Variants in PRKN observed in about 807,000 individuals in gnomAD.
PRKN encodes the protein parkin RBR E3 ubiquitin protein ligase, also known as E3 ubiquitin-protein ligase parkin.
In PRKN, 56 loss-of-function variants were observed where a neutral mutation model predicts 59.5. The observed-to-expected ratio is 0.94, with a 90% CI of 0.76 to 1.18. The LOEUF is 1.18. Ranked by LOEUF, PRKN falls within the 50% of genes most tolerant of loss-of-function variation. PRKN has a pLI of 0.00. For synonymous variants in PRKN, 250 were observed against 222.1 expected (o/e 1.13, Z -1.12); for missense variants, 657 against 596.4 (o/e 1.10, Z -1.06).
At chr6:161,756,867 A>G (rs968306091) in intron 7 of PRKN, among the ~76,000 whole-genome samples, 5 of 152,230 alleles carry the variant, frequency 3.3e-5, no homozygotes, top group Non-Finnish European at 7.3e-5. Context: ...AAATCAAGAC[A>G]GTACGCTATT....
Position 162,013,537 on chromosome 6 carries a change from G to A in PRKN, c.619-40120C>T, listed in dbSNP as rs75058893. 7.7e-3 allele frequency among the ~76,000 whole-genome samples: 1,167 copies of A among 152,220 alleles called. 10 individuals carry two copies. The highest frequency in any genetic ancestry group is 0.024 in the Middle Eastern group (7 of 294). ...ATTGCTTCCAGATATTCTCAAAGACGAAGCTAGGAAATGTGTGTGTTATAC... is the reference window on the plus strand; with the variant it reads ...ATTGCTTCCAGATATTCTCAAAGACAAAGCTAGGAAATGTGTGTGTTATAC... On this transcript the variant is annotated intron_variant, in intron 5 of 11. Coordinates refer to ENST00000366898, the MANE Select transcript of PRKN (RefSeq NM_004562.3).
At chr6:162,455,904 TTAAG>T (rs1790848806) in intron 1 of PRKN, among the ~76,000 whole-genome samples, 2 of 151,980 alleles carry the variant, frequency 1.3e-5, no homozygotes, top group Non-Finnish European at 2.9e-5. Context: ...GCAAGAAAAA[TTAAG>T]TGAGTTAAAA....
intron 1 of PRKN, among the ~76,000 whole-genome samples, chr6:162,479,683 C>G (rs1195335954): frequency 6.6e-6 from 1 of 152,130 alleles, no homozygotes; most frequent in African/African-American, 2.4e-5. Flanking sequence ...ATAGAGCTGT[C>G]ATCTCCTGTG....
In PRKN at chr6:161,386,792, A is replaced by G; in HGVS notation, c.1167+2T>C. The G allele has an allele frequency of 6.2e-7, 1 of 1,607,380 alleles. No individual in the cohort carries two copies. The highest frequency in any genetic ancestry group is 8.5e-7 in the Non-Finnish European group (1 of 1,173,924). ...TGGAGGAATGAGTAGGGCATTCTGT[A>G]CCTGAGTAGTTGTTCCTGAGGCTTC... On this transcript the variant is annotated splice_donor_variant, in intron 10 of 11. Transcript: ENST00000366898. LOFTEE classifies it high-confidence loss of function. This position sits in a 1 kb window ranked among gnomAD's most constrained non-coding sequence, Gnocchi z 4.3.
rs779224884 is a variant in PRKN, at chr6:161,860,693, T to C, written c.735-74785A>G. Among the ~76,000 whole-genome samples, 4 of 152,308 alleles carry C rather than the reference T, an allele frequency of 2.6e-5. No homozygotes were observed. In the East Asian group the frequency reaches 5.8e-4, roughly 22 times the overall value. Reference sequence around the variant, plus strand: ...CAAAAATTATCTCCCATTCTGTAGGTTGCCTGTTCACTCTGATTATAGTTT... The same window carrying C: ...CAAAAATTATCTCCCATTCTGTAGGCTGCCTGTTCACTCTGATTATAGTTT... On this transcript the variant is annotated intron_variant, in intron 6 of 11. Transcript: ENST00000366898.
chr6:162,466,055 T>C (rs1179288362), intron 1 of PRKN, among the ~76,000 whole-genome samples: 2 of 152,210 alleles, frequency 1.3e-5, no homozygotes, highest in South Asian at 2.1e-4. Context: ...CTTGACATAC[T>C]TGCAGATATA....
intron 1 of PRKN, among the ~76,000 whole-genome samples, chr6:162,634,893 A>T (rs1450889552): frequency 6.6e-6 from 1 of 152,198 alleles, no homozygotes; most frequent in Non-Finnish European, 1.5e-5. Flanking sequence ...AAGTGCTGGG[A>T]GACATATCTT....
intron 2 of PRKN, among the ~76,000 whole-genome samples, chr6:162,268,842 G>A (rs1164111936): frequency 6.6e-6 from 1 of 152,138 alleles, no homozygotes; most frequent in African/African-American, 2.4e-5. Flanking sequence ...ACCAGGGTTT[G>A]GATGCTGCAA....
chr6:161,449,068 G>C (rs1371280596), intron 9 of PRKN, among the ~76,000 whole-genome samples: 1 of 152,186 alleles, frequency 6.6e-6, no homozygotes, highest in Non-Finnish European at 1.5e-5. Context: ...AACATTGTCT[G>C]GGATAAATGG....
chr6:161,859,902 TG>T (rs1307208020), intron 6 of PRKN, among the ~76,000 whole-genome samples: 1 of 152,190 alleles, frequency 6.6e-6, no homozygotes. Context: ...GTAATTCCCC[TG>T]AGAAAAACTG....
At position 162,172,441 on chromosome 6, in the gene PRKN, C is replaced by T. The variant is rs1049119020; in HGVS notation, c.534+28690G>A. ...GCTGCCTGTTGCCTGAGCCTTACTC[C>T]TTCATCCAGCAGAGCCAGGCCGGCC... On this transcript the variant is annotated intron_variant, in intron 4 of 11. Transcript: ENST00000366898. Among the ~76,000 whole-genome samples the T allele has an allele frequency of 2.6e-5, 4 of 152,220 alleles. No individual in the cohort carries two copies. The East Asian group carries it at 5.8e-4, about 22-fold the overall frequency.
intron 10 of PRKN, among the ~76,000 whole-genome samples, chr6:161,366,942 G>A (rs57804277): frequency 0.074 from 10,491 of 141,130 alleles, 1,305 homozygotes; most frequent in African/African-American, 0.26. Context: ...AACTCTGCTA[G>A]ATTTAATGTG....
chr6:162,642,183 T>C (rs1357978235), intron 1 of PRKN, among the ~76,000 whole-genome samples: 3 of 152,176 alleles, frequency 2.0e-5, no homozygotes, highest in African/African-American at 7.2e-5. Flanking sequence ...AGAACTGTCA[T>C]AGACAGCATT....
chr6:161,537,787 A>C (rs556752139), intron 9 of PRKN, among the ~76,000 whole-genome samples: 9 of 152,316 alleles, frequency 5.9e-5, no homozygotes, highest in African/African-American at 2.2e-4. Context: ...CTTGCATTTG[A>C]TAATGTGTGT....
At chr6:161,474,991 G>A (rs1044894762) in intron 9 of PRKN, among the ~76,000 whole-genome samples, 5 of 151,506 alleles carry the variant, frequency 3.3e-5, no homozygotes, top group Admixed American at 6.6e-5. Flanking sequence ...TGCAACCTCC[G>A]CCTCCTGGGT....
At chr6:161,760,481 C>A (rs113745422) in intron 7 of PRKN, among the ~76,000 whole-genome samples, 2,979 of 151,922 alleles carry the variant, frequency 0.02, 68 homozygotes, top group South Asian at 0.07. Context: ...GAAACTCCAA[C>A]CAGCCTGCCC....
At chr6:161,896,555 TGCCCAA>T (rs897744033) in intron 6 of PRKN, among the ~76,000 whole-genome samples, 2 of 152,130 alleles carry the variant, frequency 1.3e-5, no homozygotes, top group Non-Finnish European at 2.9e-5. Context: ...GACCTAGCCC[TGCCCAA>T]ACCCATAACC....
chr6:161,636,831 A>G (rs1231940074), intron 7 of PRKN, among the ~76,000 whole-genome samples: 1 of 152,166 alleles, frequency 6.6e-6, no homozygotes, highest in East Asian at 1.9e-4. Flanking sequence ...TCAGAGCTTC[A>G]GTCCGACCTA....
chr6:161,892,982 A>C (rs1777469395), intron 6 of PRKN, among the ~76,000 whole-genome samples: 1 of 152,154 alleles, frequency 6.6e-6, no homozygotes. Context: ...AGCTGGGATA[A>C]CAGGCACCTG....
Sources: allele counts gnomAD v4.1 joint callset (sites outside exome capture counted in the v4.1 genomes callset), GRCh38; gene constraint gnomAD v4.1.1; non-coding constraint Gnocchi (gnomAD v3.1); transcripts MANE v1.5; gene names NCBI Gene and HGNC (gene_info 2026-07-23, HGNC 2026-07-21).